Variants in ADAMTS3 observed in about 807,000 individuals in gnomAD.
ADAMTS3 encodes ADAM metallopeptidase with thrombospondin type 1 motif 3, also known as A disintegrin and metalloproteinase with thrombospondin motifs 3.
In ADAMTS3, 73 loss-of-function variants were observed where a neutral mutation model predicts 129.0. That is an observed-to-expected ratio of 0.57 (90% CI 0.47 to 0.69). The LOEUF (loss-of-function observed/expected upper bound fraction) is 0.69, where lower values mean the gene tolerates loss of function less well. ADAMTS3 is among the 30% of genes least tolerant of loss of function. The pLI is 0.00. For synonymous variants in ADAMTS3, 477 were observed against 510.8 expected, an observed-to-expected ratio of 0.93 and a Z score of 0.89; for missense variants, 1,457 against 1,514.5, an observed-to-expected ratio of 0.96 and a Z score of 0.63.
chr4:72,525,007 G>A (rs1297524537), intron 3 of ADAMTS3, among the ~76,000 whole-genome samples: 1 of 152,132 alleles, frequency 6.6e-6, no homozygotes, highest in African/African-American at 2.4e-5. Flanking sequence ...AGAAATGTGT[G>A]ACACTGATTC....
chr4:72,526,384 T>C (rs1415918854), intron 3 of ADAMTS3, among the ~76,000 whole-genome samples: 1 of 152,090 alleles, frequency 6.6e-6, no homozygotes, highest in African/African-American at 2.4e-5. Flanking sequence ...AGAAAACAGC[T>C]CAGTTCCACT....
chr4:72,502,696 C>T (rs891880332), intron 3 of ADAMTS3, among the ~76,000 whole-genome samples: 2 of 152,018 alleles, frequency 1.3e-5, no homozygotes, highest in African/African-American at 2.4e-5. Context: ...AATGTTAGAT[C>T]ATTAATTTGA....
At chr4:72,431,089 C>T (rs6823667) in intron 3 of ADAMTS3, among the ~76,000 whole-genome samples, 5,554 of 151,344 alleles carry the variant, frequency 0.037, 123 homozygotes, top group Non-Finnish European at 0.048. Context: ...AATCAAACAA[C>T]GGAAAGCAAA....
chr4:72,500,360 C>T (rs1047590430), intron 3 of ADAMTS3, among the ~76,000 whole-genome samples: 1 of 152,052 alleles, frequency 6.6e-6, no homozygotes, highest in African/African-American at 2.4e-5. Flanking sequence ...ATTTGCATCT[C>T]TCTGATGATT....
chr4:72,323,191 A>C, intron 5 of ADAMTS3, 94 bp from the exon 6 acceptor site: 1 of 898,300 alleles, frequency 1.1e-6, no homozygotes, highest in South Asian at 1.4e-5. Context: ...CAAATAGGTG[A>C]GTAAATTGCT....
chr4:72,345,593 T>C lies in ADAMTS3; in HGVS notation c.662-5900A>G, dbSNP rs576680807. ...TCAAAGAACTATATTCAGGTCAAGT[T>C]ATGATGTCAATTCAAAAGTTTCACT... On this transcript the variant is annotated intron_variant, in intron 4 of 21. Coordinates refer to ENST00000286657, the MANE Select transcript of ADAMTS3 (RefSeq NM_014243.3). 3.3e-5 allele frequency among the ~76,000 whole-genome samples: 5 copies of C among 152,234 alleles called. No homozygotes were observed. The South Asian group carries it at 1.0e-3, about 32-fold the overall frequency.
chr4:72,366,877 A>G (rs908412423), intron 4 of ADAMTS3, among the ~76,000 whole-genome samples: 1 of 151,988 alleles, frequency 6.6e-6, no homozygotes, highest in African/African-American at 2.4e-5. Context: ...TCTACTCTAA[A>G]TAAGTGGTTC....
intron 3 of ADAMTS3, among the ~76,000 whole-genome samples, chr4:72,475,775 A>G (rs1049824965): frequency 6.6e-6 from 1 of 152,106 alleles, no homozygotes; most frequent in African/African-American, 2.4e-5. Context: ...AACAAAATTA[A>G]AATAACTGAA....
At chr4:72,363,725 C>T (rs539029326) in intron 4 of ADAMTS3, among the ~76,000 whole-genome samples, 1 of 151,534 alleles carries the variant, frequency 6.6e-6, no homozygotes, top group Non-Finnish European at 1.5e-5. Flanking sequence ...TAGAAGGCCT[C>T]ATACCAAACG....
At chr4:72,425,978 C>T (rs1159880000) in intron 3 of ADAMTS3, among the ~76,000 whole-genome samples, 1 of 152,156 alleles carries the variant, frequency 6.6e-6, no homozygotes, top group African/African-American at 2.4e-5. Flanking sequence ...TATTTCTCCA[C>T]ATCCTCTCTA....
Position 72,313,815 on chromosome 4 carries a change from T to A in ADAMTS3, c.1607A>T (p.Tyr536Phe). Residue 536 changes from tyrosine to phenylalanine, a missense_variant, in exon 12 of 22, where the codon TAT becomes TTT. Tyr to Phe is a conservative substitution (Grantham distance 22). Coordinates refer to ENST00000286657, the MANE Select transcript of ADAMTS3 (RefSeq NM_014243.3). ...GTECAAGKWC[Y>F]KGHCMWKNAN... ...ATTCTTCCACATGCAATGACCCTTATAGCACCACTTAGAAAAATGACAAAA... is the reference window on the plus strand; with the variant it reads ...ATTCTTCCACATGCAATGACCCTTAAAGCACCACTTAGAAAAATGACAAAA... The A allele has an allele frequency of 1.9e-6, 3 of 1,613,636 alleles. No homozygotes were observed. Among genetic ancestry groups the A allele is most frequent in the Non-Finnish European group, 2.5e-6 (3 of 1,179,704 alleles).
chr4:72,330,270 C>T (rs540844643), intron 5 of ADAMTS3, among the ~76,000 whole-genome samples: 2 of 152,074 alleles, frequency 1.3e-5, no homozygotes, highest in Non-Finnish European at 2.9e-5. Context: ...CCACCCACCT[C>T]GGCCTCCCAA....
At chr4:72,372,917 T>C (rs1213445898) in intron 4 of ADAMTS3, among the ~76,000 whole-genome samples, 1 of 152,302 alleles carries the variant, frequency 6.6e-6, no homozygotes, top group Middle Eastern at 3.4e-3. Flanking sequence ...AGTAGCCAAA[T>C]ATAATTTTGC....
chr4:72,447,330 C>T (rs1718282410), intron 3 of ADAMTS3, among the ~76,000 whole-genome samples: 1 of 151,768 alleles, frequency 6.6e-6, no homozygotes, highest in Admixed American at 6.6e-5. Context: ...CCAATCCTTA[C>T]CTCCTCTCTT....
At chr4:72,382,316 C>T (rs1721313786) in intron 4 of ADAMTS3, among the ~76,000 whole-genome samples, 1 of 148,950 alleles carries the variant, frequency 6.7e-6, no homozygotes, top group South Asian at 2.1e-4. Flanking sequence ...ACATAGTAGT[C>T]ATGGATATAA....
chr4:72,494,145 T>C (rs1719817180), intron 3 of ADAMTS3, among the ~76,000 whole-genome samples: 2 of 152,154 alleles, frequency 1.3e-5, no homozygotes, highest in Non-Finnish European at 2.9e-5. Flanking sequence ...TTTCAGATAT[T>C]AATTCTTTAA....
chr4:72,365,049 G>A (rs1720835386), intron 4 of ADAMTS3, among the ~76,000 whole-genome samples: 1 of 152,218 alleles, frequency 6.6e-6, no homozygotes, highest in Admixed American at 6.5e-5. Flanking sequence ...TGCCTACACA[G>A]TACAGGGCCT....
chr4:72,406,425 A>G (rs566461174), intron 4 of ADAMTS3, among the ~76,000 whole-genome samples: 11 of 152,150 alleles, frequency 7.2e-5, no homozygotes, highest in Non-Finnish European at 1.3e-4. Context: ...ATCCTTGAAC[A>G]TTTGTAAAGA....
At chr4:72,438,219 T>A (rs1560515732) in intron 3 of ADAMTS3, among the ~76,000 whole-genome samples, 2 of 151,806 alleles carry the variant, frequency 1.3e-5, no homozygotes, top group East Asian at 3.9e-4. Context: ...TTGAGTTATA[T>A]TGTTTATAAA....
Sources: allele counts gnomAD v4.1 joint callset (sites outside exome capture counted in the v4.1 genomes callset), GRCh38; gene constraint gnomAD v4.1.1; transcripts MANE v1.5; gene names NCBI Gene and HGNC (gene_info 2026-07-23, HGNC 2026-07-21).